Variants in NCAM2 observed in about 807,000 individuals in gnomAD.
NCAM2 encodes N-CAM-2.
A neutral mutation model predicts 98.1 loss-of-function variants in NCAM2; 30 were observed. The ratio of observed to expected loss-of-function variants is 0.31; its 90% CI spans 0.23 to 0.41. The LOEUF (loss-of-function observed/expected upper bound fraction) is 0.41, where lower values mean the gene tolerates loss of function less well. Among genes scored for constraint, NCAM2 ranks in the 10% least tolerant of loss-of-function variants. The pLI, the probability that NCAM2 is intolerant of heterozygous loss-of-function variation, is 1.00. For missense variants in NCAM2, 867 were observed against 1,005.8 expected, an observed-to-expected ratio of 0.86 and a Z score of 1.87; for synonymous variants, 368 against 342.4, an observed-to-expected ratio of 1.07 and a Z score of -0.83.
chr21:21,213,785 T>C (rs1018363362), intron 1 of NCAM2, among the ~76,000 whole-genome samples: 2 of 152,170 alleles, frequency 1.3e-5, no homozygotes, highest in East Asian at 1.9e-4. Context: ...CAAGTACTTA[T>C]AAAGAAGTAC....
chr21:21,397,727 C>T (rs1051887089), intron 9 of NCAM2, among the ~76,000 whole-genome samples: 43 of 152,228 alleles, frequency 2.8e-4, no homozygotes, highest in African/African-American at 9.4e-4. Flanking sequence ...CCCACCTACT[C>T]GGTAGGAGGC....
intron 1 of NCAM2, among the ~76,000 whole-genome samples, chr21:21,246,389 C>G (rs766427357): frequency 6.6e-6 from 1 of 151,788 alleles, no homozygotes; most frequent in Non-Finnish European, 1.5e-5. Context: ...AATTTGATAG[C>G]AGAAATAGAT....
At chr21:21,375,299 A>G (rs1028077636) in intron 9 of NCAM2, among the ~76,000 whole-genome samples, 1 of 151,550 alleles carries the variant, frequency 6.6e-6, no homozygotes, top group Admixed American at 6.6e-5. Context: ...AAAACTATTC[A>G]TACAGTTGTT....
intron 13 of NCAM2, among the ~76,000 whole-genome samples, chr21:21,467,412 G>GTACATATATATCTTTATATA (rs1983841047): frequency 2.4e-5 from 1 of 41,446 alleles, no homozygotes; most frequent in Admixed American, 2.0e-4. Context: ...TTGTATATGT[G>GTACATATATATCTTTATATA]TATATATATA....
intron 1 of NCAM2, among the ~76,000 whole-genome samples, chr21:21,077,115 A>G (rs1260270077): frequency 2.6e-5 from 4 of 152,120 alleles, no homozygotes; most frequent in Non-Finnish European, 5.9e-5. Flanking sequence ...TTGTTCTTAG[A>G]TTTTTATTAA....
At chr21:21,179,494 A>T (rs2068400664) in intron 1 of NCAM2, among the ~76,000 whole-genome samples, 1 of 152,132 alleles carries the variant, frequency 6.6e-6, no homozygotes, top group African/African-American at 2.4e-5. Context: ...AATTCCAGTC[A>T]ATTCTAAAGT....
intron 1 of NCAM2, among the ~76,000 whole-genome samples, chr21:21,173,227 G>T (rs2068178580): frequency 6.6e-6 from 1 of 152,096 alleles, no homozygotes; most frequent in African/African-American, 2.4e-5. Context: ...ATTATATGTA[G>T]TTAGTCGCTA....
intron 1 of NCAM2, among the ~76,000 whole-genome samples, chr21:21,042,875 T>C (rs1291341008): frequency 6.6e-6 from 1 of 152,226 alleles, no homozygotes; most frequent in Non-Finnish European, 1.5e-5. Flanking sequence ...AACATATTAC[T>C]GTACTTTATC....
chr21:21,138,617 T>C (rs979564651), intron 1 of NCAM2, among the ~76,000 whole-genome samples: 2 of 152,160 alleles, frequency 1.3e-5, no homozygotes, highest in African/African-American at 4.8e-5. Flanking sequence ...TCCAGCAATA[T>C]TGTAAACAGA....
intron 10 of NCAM2, among the ~76,000 whole-genome samples, chr21:21,414,554 C>T (rs1351132608): frequency 6.6e-6 from 1 of 150,906 alleles, no homozygotes; most frequent in Non-Finnish European, 1.5e-5. Context: ...CACTGCACCT[C>T]CGCTTCCCGG....
intron 12 of NCAM2, among the ~76,000 whole-genome samples, chr21:21,462,988 C>A (rs2146199435): frequency 6.6e-6 from 1 of 152,202 alleles, no homozygotes; most frequent in Admixed American, 6.6e-5. Context: ...AATTACAAGG[C>A]AAGAACCCAT....
At chr21:21,319,537 A>G (rs1330312281) in intron 5 of NCAM2, among the ~76,000 whole-genome samples, 3 of 152,120 alleles carry the variant, frequency 2.0e-5, no homozygotes, top group Admixed American at 2.0e-4. Flanking sequence ...GCTGCTCAGG[A>G]GGCTGAGGCA....
chr21:21,452,424 T>C (rs979879604), intron 12 of NCAM2, among the ~76,000 whole-genome samples: 2 of 145,346 alleles, frequency 1.4e-5, no homozygotes, highest in Non-Finnish European at 3.0e-5. Context: ...AGTAATACAA[T>C]GTCTTCATGG....
At chr21:21,068,377 G>A (rs768531803) in intron 1 of NCAM2, among the ~76,000 whole-genome samples, 16 of 150,550 alleles carry the variant, frequency 1.1e-4, no homozygotes, top group Non-Finnish European at 1.5e-4. Context: ...CAGGTGATCC[G>A]CCTGCCTTGG....
intron 1 of NCAM2, among the ~76,000 whole-genome samples, chr21:21,106,356 G>T (rs1377280600): frequency 7.3e-6 from 1 of 137,196 alleles, no homozygotes; most frequent in Non-Finnish European, 1.6e-5. Context: ...ATTATTTCTG[G>T]GCAATATATT....
At chr21:21,287,529 C>A (rs1256465188) in intron 4 of NCAM2, among the ~76,000 whole-genome samples, 1 of 151,824 alleles carries the variant, frequency 6.6e-6, no homozygotes, top group East Asian at 1.9e-4. Context: ...GCTCTTTTCC[C>A]CTCAATAATA....
chr21:21,180,150 C>A (rs190240836), intron 1 of NCAM2, among the ~76,000 whole-genome samples: 1 of 152,116 alleles, frequency 6.6e-6, no homozygotes, highest in African/African-American at 2.4e-5. Flanking sequence ...CAACAAAGGA[C>A]GTTCCAATGG....
chr21:21,216,744 A>G (rs535312527), intron 1 of NCAM2, among the ~76,000 whole-genome samples: 7 of 152,204 alleles, frequency 4.6e-5, no homozygotes, highest in Non-Finnish European at 1.0e-4. Context: ...CTTTCAATAC[A>G]TGACCTTGGT....
intron 1 of NCAM2, among the ~76,000 whole-genome samples, chr21:21,118,983 T>C (rs1219077546): frequency 6.6e-6 from 1 of 152,202 alleles, no homozygotes; most frequent in Non-Finnish European, 1.5e-5. Context: ...AATATATCTA[T>C]AGTTATTCTT....
Sources: allele counts gnomAD v4.1 joint callset (sites outside exome capture counted in the v4.1 genomes callset), GRCh38; gene constraint gnomAD v4.1.1; transcripts MANE v1.5; gene names NCBI Gene and HGNC (gene_info 2026-07-23, HGNC 2026-07-21).